Variants in PIAS4 observed in about 807,000 individuals in gnomAD.
The protein encoded by PIAS4 is protein inhibitor of activated STAT 4.
In PIAS4, 7 loss-of-function variants were observed where a neutral mutation model predicts 58.0. The observed-to-expected ratio is 0.12, with a 90% CI of 0.07 to 0.23. PIAS4 has a LOEUF of 0.23. PIAS4 is among the 10% of genes least tolerant of loss of function. The pLI, the probability that PIAS4 is intolerant of heterozygous loss-of-function variation, is 1.00. For synonymous variants in PIAS4, 364 were observed against 312.4 expected (o/e 1.17, Z -1.74); for missense variants, 550 against 709.5 (o/e 0.78, Z 2.55).
intron 1 of PIAS4, 59 bp downstream of exon 1, chr19:4,007,846 C>T: frequency 5.1e-6 from 6 of 1,181,116 alleles, no homozygotes; most frequent in Non-Finnish European, 6.3e-6. Flanking sequence ...GGGGCCGGGC[C>T]GCAGGTCGAG....
In PIAS4 at chr19:4,037,070, G is replaced by C. The variant is rs1423564738; in HGVS notation, c.1143-304G>C. Among the ~76,000 whole-genome samples, 3 of 151,688 alleles carry C rather than the reference G, an allele frequency of 2.0e-5. No homozygotes were observed. Among genetic ancestry groups the C allele is most frequent in the East Asian group, 4.0e-4 (2 of 5,034 alleles). On this transcript the variant is annotated intron_variant, in intron 9 of 10. Transcript: ENST00000262971. The surrounding 1 kb of genome is among the most constrained non-coding windows in gnomAD (Gnocchi z 5.8). ...GTGCCCAGAGGGGCAGGGTGGGGAG[G>C]ACCCCTGCAGCTGCCACACTCCCTG...
chr19:4,025,669 A>ACCTCATCTTTCTCAG (rs1555688795), intron 3 of PIAS4, among the ~76,000 whole-genome samples: 25 of 22,334 alleles, frequency 1.1e-3, no homozygotes, highest in Admixed American at 9.6e-3. Context: ...CAAGGTGGCG[A>ACCTCATCTTTCTCAG]CCTCGTCTTT....
intron 2 of PIAS4, among the ~76,000 whole-genome samples, chr19:4,014,224 T>C (rs912765235): frequency 6.6e-6 from 1 of 152,136 alleles, no homozygotes; most frequent in African/African-American, 2.4e-5. Context: ...TGTCTTTGTC[T>C]GCAAGCACTG....
At chr19:4,010,956 T>C (rs1361051966) in intron 1 of PIAS4, among the ~76,000 whole-genome samples, 2 of 152,328 alleles carry the variant, frequency 1.3e-5, no homozygotes, top group Non-Finnish European at 2.9e-5. Flanking sequence ...AACAGGACCC[T>C]GGCCCGATAC....
Position 4,019,675 on chromosome 19 carries a change from C to A in PIAS4, c.455-4361C>A, listed in dbSNP as rs183993138. On this transcript the variant is annotated intron_variant, in intron 2 of 10. Transcript: ENST00000262971. The stretch of plus-strand genomic sequence containing the variant: ...CGTCTGCAGGTGGCCTGTGTGCCCC[C>A]CTCCCAATTAGGCGGCCTTCCTCAA... Among the ~76,000 whole-genome samples, 893 of 152,316 alleles carry A rather than the reference C, an allele frequency of 5.9e-3. 11 individuals carry two copies. The highest frequency in any genetic ancestry group is 0.021 in the African/African-American group (855 of 41,568).
In PIAS4 at chr19:4,033,121, A is replaced by G; in HGVS notation, c.929A>G (p.Asp310Gly). 6.2e-7 allele frequency: 1 copy of G among 1,611,832 alleles called. No homozygotes were observed. Among genetic ancestry groups the G allele is most frequent in the Non-Finnish European group, 8.5e-7 (1 of 1,179,802 alleles). The change falls in exon 8 of 11, where the codon GAT (aspartate) becomes GGT (glycine). Residue 310 changes from aspartate (D) to glycine (G), a missense_variant. By Grantham distance (94) the Asp-to-Gly change is moderately conservative. Around this residue, in one of 4 missense-constraint regions of PIAS4, gnomAD observed 225 missense variants for 345.8 expected, o/e 0.65. Coordinates refer to ENST00000262971, the MANE Select transcript of PIAS4 (RefSeq NM_015897.4). ...KALVKEKLRL[D>G]PDSEIATTGV... ...ACAGTCAAGGAGAAGCTGCGCCTTG[A>G]TCCTGACAGCGAGATCGCCACCACC...
rs553988056 is a variant in PIAS4 at position 4,013,094 on chromosome 19, G to T, written c.199G>T (p.Ala67Ser). 3 of 1,613,394 alleles carry T rather than the reference G, an allele frequency of 1.9e-6. No individual in the cohort carries two copies. Among genetic ancestry groups the T allele is most frequent in the South Asian group, 2.2e-5 (2 of 91,080 alleles). Residue 67 changes from alanine to serine, a missense_variant, in exon 2 of 11, where the codon GCC (alanine) becomes TCC (serine). Around this residue, in one of 4 missense-constraint regions of PIAS4, gnomAD observed 95 missense variants for 87.5 expected, o/e 1.09. Coordinates refer to ENST00000262971, the MANE Select transcript of PIAS4 (RefSeq NM_015897.4). The surrounding 1 kb of genome is among the most constrained non-coding windows in gnomAD (Gnocchi z 5.1). The part of the protein sequence containing the change: ...KIKELYETRY[A>S]KKNSEPAPQP... ...CAAGGAGCTGTACGAGACCCGCTAC[G>T]CCAAGAAGAACTCGGAGCCTGCCCC...
chr19:4,031,919 G>A (rs2040226377), intron 7 of PIAS4, among the ~76,000 whole-genome samples: 1 of 152,180 alleles, frequency 6.6e-6, no homozygotes, highest in South Asian at 2.1e-4. Flanking sequence ...GGTCCACCCG[G>A]GCACCGGGTA....
At chr19:4,014,206 C>CT (rs1182305551) in intron 2 of PIAS4, among the ~76,000 whole-genome samples, 1 of 152,182 alleles carries the variant, frequency 6.6e-6, no homozygotes, top group African/African-American at 2.4e-5. Flanking sequence ...CCACGCTTCT[C>CT]TCTCTCGTGT....
Position 4,013,357 on chromosome 19 carries a change from G to T in PIAS4, c.454+8G>T, listed in dbSNP as rs750901806. ...TGAAGCCCACCGAATTAGGTGAGTG[G>T]TCACCCTGGGGAGGCTGCGACTGGA... On this transcript the variant is annotated splice_region_variant and intron_variant, in intron 2 of 10. Transcript: ENST00000262971. The surrounding 1 kb of genome is among the most constrained non-coding windows in gnomAD (Gnocchi z 5.1). The T allele has an allele frequency of 1.2e-6, 2 of 1,609,064 alleles. No individual in the cohort carries two copies. The highest frequency in any genetic ancestry group is 1.7e-5 in the Admixed American group (1 of 59,904).
chr19:4,018,244 G>A (rs2040071786), intron 2 of PIAS4, among the ~76,000 whole-genome samples: 1 of 152,228 alleles, frequency 6.6e-6, no homozygotes, highest in Non-Finnish European at 1.5e-5. Flanking sequence ...GGGCCGCCTC[G>A]GTACACCGGG....
chr19:4,033,243 C>T (rs531136055), intron 8 of PIAS4, 70 bp downstream of exon 8: 637 of 1,512,558 alleles, frequency 4.2e-4, no homozygotes, highest in Middle Eastern at 1.0e-3. Context: ...CGGCCCTGGG[C>T]CCGGGGCGGC....
intron 2 of PIAS4, among the ~76,000 whole-genome samples, chr19:4,023,655 G>A (rs138019033): frequency 1.1e-3 from 163 of 152,328 alleles, no homozygotes; most frequent in African/African-American, 3.2e-3. Flanking sequence ...AGCAAGGGCC[G>A]GGTCCGGTTT....
In PIAS4 at chr19:4,028,888, C is replaced by T. The variant is rs746679355; in HGVS notation, c.801+40C>T. 25 of 1,612,336 alleles carry T rather than the reference C, an allele frequency of 1.6e-5. No individual in the cohort carries two copies. In the Admixed American group the frequency reaches 1.8e-4, roughly 12 times the overall value. On this transcript the variant is annotated intron_variant, in intron 6 of 10. Coordinates refer to ENST00000262971, the MANE Select transcript of PIAS4 (RefSeq NM_015897.4). ...GGGTGCCCACCCTGCCCCCCAACCC[C>T]GGCCCCGTCCTGCCAGCCCTGACCC...
intron 9 of PIAS4, among the ~76,000 whole-genome samples, chr19:4,036,788 A>G (rs1042651579): frequency 2.0e-5 from 3 of 148,460 alleles, no homozygotes; most frequent in African/African-American, 7.4e-5. Flanking sequence ...ACACACACAC[A>G]TCTATACAGT....
chr19:4,028,600 G>T lies in PIAS4; in HGVS notation c.672G>T (p.Pro224=). ...TCAACCACAGCTACTGCTCCGTCCC[G>T]GTGAGCATGCCCCGCCCCCGCGTCG... ...VKVNHSYCSV[P]GYYPSNKPGV... The change falls in exon 5 of 11, where the codon CCG becomes CCT. Residue 224 remains proline, a splice_region_variant and synonymous_variant. Coordinates refer to ENST00000262971, the MANE Select transcript of PIAS4 (RefSeq NM_015897.4). 1 of 1,612,554 alleles carries T rather than the reference G, an allele frequency of 6.2e-7. No homozygotes were observed. The highest frequency in any genetic ancestry group is 8.5e-7 in the Non-Finnish European group (1 of 1,179,690).
chr19:4,030,118 G>C (rs111459971), intron 7 of PIAS4, among the ~76,000 whole-genome samples: 18,149 of 143,746 alleles, frequency 0.13, 1,382 homozygotes, highest in Non-Finnish European at 0.17. Context: ...CACCACGCCC[G>C]GCCCCAACTA....
At chr19:4,010,906 T>C (rs1439635590) in intron 1 of PIAS4, among the ~76,000 whole-genome samples, 1 of 152,246 alleles carries the variant, frequency 6.6e-6, no homozygotes, top group African/African-American at 2.4e-5. Flanking sequence ...CCTGCACGTG[T>C]GTCCCTGTCA....
chr19:4,011,281 C>T (rs2039989906), intron 1 of PIAS4, among the ~76,000 whole-genome samples: 1 of 152,256 alleles, frequency 6.6e-6, no homozygotes, highest in Non-Finnish European at 1.5e-5. Context: ...TTTCCCACCA[C>T]ATCTCATTCA....
Sources: gnomAD v4.1 joint callset for allele counts (sites outside exome capture counted in the v4.1 genomes callset) on GRCh38, gnomAD v4.1.1 for gene constraint, gnomAD v4.1.1 regional missense constraint, Gnocchi (gnomAD v3.1) non-coding constraint, MANE v1.5 for transcripts, NCBI Gene and HGNC (gene_info 2026-07-23, HGNC 2026-07-21) for gene names.